TENM3: variants seen among roughly 807,000 people sequenced by gnomAD.
The protein encoded by TENM3 is teneurin-3.
A neutral mutation model predicts 255.1 loss-of-function variants in TENM3; 63 were observed. The ratio of observed to expected loss-of-function variants is 0.25; its 90% CI spans 0.20 to 0.30. The LOEUF (loss-of-function observed/expected upper bound fraction) is 0.30. TENM3 is among the 10% of genes least tolerant of loss of function. TENM3 has a pLI of 1.00. For synonymous variants in TENM3, 1,306 were observed against 1,322.3 expected (o/e 0.99, Z 0.27); for missense variants, 2,929 against 3,461.1 (o/e 0.85, Z 3.86).
chr4:182,539,707 A>T (rs1267138944), intron 3 of TENM3, among the ~76,000 whole-genome samples: 1 of 152,214 alleles, frequency 6.6e-6, no homozygotes, highest in African/African-American at 2.4e-5. Context: ...CATTCAGCAA[A>T]TAGTTATTTT....
At chr4:181,460,955 A>C in the TENM3 span, among the ~76,000 whole-genome samples, 150,860 of 151,996 alleles carry the variant, frequency 0.99, 74,874 homozygotes, top group East Asian at 1. Flanking sequence ...TATTACATAG[A>C]ATATCTATGT....
chr4:182,369,932 T>C (rs1766690263), intron 3 of TENM3, among the ~76,000 whole-genome samples: 1 of 152,154 alleles, frequency 6.6e-6, no homozygotes, highest in South Asian at 2.1e-4. Context: ...GGTAAGGGCA[T>C]TTGATGAGAA....
Position 182,755,041 on chromosome 4 carries a change from C to G in TENM3, c.4674C>G (p.Asp1558Glu). Residue 1558 changes from aspartate (D) to glutamate (E), a missense_variant, in exon 22 of 28, where the codon GAC becomes GAG. Transcript: ENST00000511685. ...ACAATGATATTACTGCTGTGACAGACAGCAATGGCAACACCCTTAGAATTA... is the reference window on the plus strand; with the variant it reads ...ACAATGATATTACTGCTGTGACAGAGAGCAATGGCAACACCCTTAGAATTA... ...SNDNDITAVT[D>E]SNGNTLRIRR... is the part of the protein sequence containing the mutation. 1.2e-6 allele frequency: 2 copies of G among 1,614,038 alleles called. No individual in the cohort carries two copies. Among genetic ancestry groups the G allele is most frequent in the Non-Finnish European group, 1.7e-6 (2 of 1,179,888 alleles).
intron 22 of TENM3, among the ~76,000 whole-genome samples, chr4:182,771,947 C>T (rs1417956880): frequency 6.6e-6 from 1 of 152,168 alleles, no homozygotes; most frequent in African/African-American, 2.4e-5. Context: ...CTGCCGCTGG[C>T]TGAGCAGCGT....
chr4:181,678,714 T>C, the TENM3 span, among the ~76,000 whole-genome samples: 1 of 151,802 alleles, frequency 6.6e-6, no homozygotes, highest in Non-Finnish European at 1.5e-5. Flanking sequence ...GGTTGTTCTA[T>C]ATATATATAC....
At position 182,666,316 on chromosome 4, in the gene TENM3, G is replaced by A. The variant is rs182761586; in HGVS notation, c.1112-6689G>A. Reference sequence around the variant, plus strand: ...GGCAAGGTTTGAGAGGGTTGACTCCGATTCTGAAAGATGTTCTACTGTGGG... The same window carrying A: ...GGCAAGGTTTGAGAGGGTTGACTCCAATTCTGAAAGATGTTCTACTGTGGG... On this transcript the variant is annotated intron_variant, in intron 6 of 27. Transcript: ENST00000511685. Among the ~76,000 whole-genome samples the A allele has an allele frequency of 6.8e-3, 1,041 of 152,298 alleles. 7 individuals carry two copies. The highest frequency in any genetic ancestry group is 0.013 in the Admixed American group (200 of 15,294).
At chr4:181,877,334 AC>A in the TENM3 span, among the ~76,000 whole-genome samples, 1 of 152,174 alleles carries the variant, frequency 6.6e-6, no homozygotes, top group Non-Finnish European at 1.5e-5. Context: ...AATCTAAGCA[AC>A]TTAGGTTGGA....
intron 16 of TENM3, among the ~76,000 whole-genome samples, chr4:182,731,939 G>A (rs1339528351): frequency 6.6e-6 from 1 of 151,776 alleles, no homozygotes; most frequent in Non-Finnish European, 1.5e-5. Context: ...CTGCCACCAA[G>A]CCAAGCTAAT....
chr4:182,298,707 T>G (rs1030240269), intron 1 of TENM3, among the ~76,000 whole-genome samples: 1 of 152,022 alleles, frequency 6.6e-6, no homozygotes, highest in Admixed American at 6.5e-5. Flanking sequence ...GCATGGTGGC[T>G]TATGCCTGTA....
chr4:182,750,969 G>A (rs907110888), intron 19 of TENM3, among the ~76,000 whole-genome samples: 23 of 152,254 alleles, frequency 1.5e-4, no homozygotes, highest in East Asian at 3.9e-4. Context: ...CCAATGATAC[G>A]TCATAATTTG....
At chr4:181,806,534 G>A in the TENM3 span, among the ~76,000 whole-genome samples, 13 of 152,198 alleles carry the variant, frequency 8.5e-5, no homozygotes, top group Non-Finnish European at 1.5e-4. Flanking sequence ...CTTCCTGGGT[G>A]GTTTCATGCC....
intron 4 of TENM3, among the ~76,000 whole-genome samples, chr4:182,612,274 A>C (rs1174932510): frequency 1.3e-5 from 2 of 151,048 alleles, no homozygotes; most frequent in African/African-American, 4.8e-5. Context: ...TCGGTCTCAA[A>C]AAAAAAAAAA....
At chr4:182,605,978 T>A (rs1419997356) in intron 4 of TENM3, among the ~76,000 whole-genome samples, 1 of 152,226 alleles carries the variant, frequency 6.6e-6, no homozygotes, top group Non-Finnish European at 1.5e-5. Context: ...AATTTTCTTA[T>A]GCCTTAGATA....
the TENM3 span, among the ~76,000 whole-genome samples, chr4:182,134,002 T>C: frequency 2.0e-5 from 3 of 152,126 alleles, no homozygotes; most frequent in Non-Finnish European, 4.4e-5. Flanking sequence ...CAGAAACGTA[T>C]ATGTTCTCAA....
chr4:181,847,965 G>C, the TENM3 span, among the ~76,000 whole-genome samples: 1 of 152,090 alleles, frequency 6.6e-6, no homozygotes, highest in Admixed American at 6.5e-5. Flanking sequence ...GTTTATACAA[G>C]AAATATTATT....
intron 1 of TENM3, among the ~76,000 whole-genome samples, chr4:182,255,496 G>A (rs1363971543): frequency 6.6e-6 from 1 of 152,152 alleles, no homozygotes; most frequent in African/African-American, 2.4e-5. Flanking sequence ...GGTATATTAT[G>A]CTTTTCAGTA....
In TENM3 at chr4:182,788,992, A is replaced by C. The variant is rs918310024; in HGVS notation, c.5305-101A>C. 3.3e-5 allele frequency: 36 copies of C among 1,086,524 alleles called. No individual in the cohort carries two copies. In the South Asian group the frequency reaches 3.8e-4, roughly 11 times the overall value. 67.3% of individuals were successfully genotyped at this position (1,086,524 alleles called of 1,614,324 possible). A position where few individuals can be genotyped will look rare whatever the true frequency, so the allele number is the denominator to read the frequency against. The stretch of plus-strand genomic sequence containing the variant: ...AAGAAGTTGCTAAGTTAATTTACTG[A>C]CAAAGAGAATCAATCATCGTAAATG... On this transcript the variant is annotated intron_variant, in intron 24 of 27. Transcript: ENST00000511685.
the TENM3 span, among the ~76,000 whole-genome samples, chr4:182,024,199 C>A: frequency 1.3e-5 from 2 of 152,102 alleles, no homozygotes; most frequent in Admixed American, 6.6e-5. Context: ...TCTTAAGAAG[C>A]TTTATTACCA....
intron 6 of TENM3, among the ~76,000 whole-genome samples, chr4:182,667,174 T>TTTTTGTTTTGTTTTGTTTTG (rs149236811): frequency 5.3e-5 from 8 of 149,976 alleles, no homozygotes; most frequent in African/African-American, 2.0e-4. Context: ...AGTTACCATT[T>TTTTTGTTTTGTTTTGTTTTG]TTTTGTTTTG....
Sources: gnomAD v4.1 joint callset for allele counts (sites outside exome capture counted in the v4.1 genomes callset) on GRCh38, gnomAD v4.1.1 for gene constraint, MANE v1.5 for transcripts, NCBI Gene and HGNC (gene_info 2026-07-23, HGNC 2026-07-21) for gene names.